The following DPP6 variants were observed in gnomAD, a reference collection of about 807,000 sequenced individuals.
DPP6 encodes the protein A-type potassium channel modulatory protein DPP6.
A neutral mutation model predicts 122.6 loss-of-function variants in DPP6; 69 were observed. The observed-to-expected ratio is 0.56, with a 90% CI of 0.46 to 0.69. The LOEUF is 0.69. Among genes scored for constraint, DPP6 ranks in the 30% least tolerant of loss-of-function variants. The pLI is 0.00. For missense variants in DPP6, 928 were observed against 1,116.9 expected (o/e 0.83, Z 2.41); for synonymous variants, 418 against 433.1 (o/e 0.97, Z 0.43).
intron 1 of DPP6, among the ~76,000 whole-genome samples, chr7:154,060,286 C>A (rs1479924497): frequency 7.4e-6 from 1 of 134,714 alleles, no homozygotes; most frequent in African/African-American, 2.8e-5. Flanking sequence ...GACTGAGAGG[C>A]AATCCCTCTT....
intron 22 of DPP6, among the ~76,000 whole-genome samples, chr7:154,887,096 A>G (rs1174797471): frequency 2.0e-5 from 3 of 152,142 alleles, no homozygotes; most frequent in African/African-American, 7.2e-5. Context: ...TCATGTCTTG[A>G]TGGGTCACTG....
chr7:154,754,778 A>G (rs1281433751), intron 8 of DPP6, among the ~76,000 whole-genome samples: 1 of 152,218 alleles, frequency 6.6e-6, no homozygotes, highest in African/African-American at 2.4e-5. Flanking sequence ...CATATACACC[A>G]TGGAATACTA....
chr7:154,159,746 A>C (rs3115182), intron 1 of DPP6, among the ~76,000 whole-genome samples: 128,798 of 151,358 alleles, frequency 0.85, 53,142 homozygotes, highest in East Asian at 0.97. Flanking sequence ...GGGTCCTTCT[A>C]TACAGGTTAT....
intron 1 of DPP6, among the ~76,000 whole-genome samples, chr7:154,350,986 T>C (rs2151079137): frequency 6.6e-6 from 1 of 152,244 alleles, no homozygotes; most frequent in Admixed American, 6.5e-5. Context: ...CTGGAGTCAG[T>C]GGGCCCATTG....
intron 1 of DPP6, among the ~76,000 whole-genome samples, chr7:154,207,817 C>T (rs1013475339): frequency 3.3e-5 from 5 of 152,012 alleles, no homozygotes; most frequent in Admixed American, 6.6e-5. Flanking sequence ...TAGCCGGATG[C>T]GATGGCGCAG....
At chr7:153,961,103 T>A (rs991340538) in intron 1 of DPP6, among the ~76,000 whole-genome samples, 9 of 137,942 alleles carry the variant, frequency 6.5e-5, no homozygotes, top group Admixed American at 3.7e-4. Flanking sequence ...GAGCTATTTT[T>A]AAGAAGTCTC....
intron 3 of DPP6, among the ~76,000 whole-genome samples, chr7:154,534,975 T>TTGTC (rs138465586): frequency 0.033 from 4,950 of 152,142 alleles, 262 homozygotes; most frequent in African/African-American, 0.11. Flanking sequence ...TACTCTAAAG[T>TTGTC]TACAGTAATC....
chr7:154,760,328 C>T lies in DPP6; in HGVS notation c.884-9089C>T, dbSNP rs747600416. Among the ~76,000 whole-genome samples the T allele has an allele frequency of 6.6e-6, 1 of 151,988 alleles. No homozygotes were observed. Among genetic ancestry groups the T allele is most frequent in the Admixed American group, 6.6e-5 (1 of 15,246 alleles). ...TTATTTCTTCACGATTACTCATGGGCTGTGTGTGCAAATTCAGGGGGGTGG... is the reference window on the plus strand; with the variant it reads ...TTATTTCTTCACGATTACTCATGGGTTGTGTGTGCAAATTCAGGGGGGTGG... On this transcript the variant is annotated intron_variant, in intron 8 of 25. Transcript: ENST00000377770. The surrounding 1 kb of genome is among the most constrained non-coding windows in gnomAD (Gnocchi z 4.5).
chr7:154,342,111 A>G (rs1413430918), intron 1 of DPP6, among the ~76,000 whole-genome samples: 1 of 152,208 alleles, frequency 6.6e-6, no homozygotes, highest in Non-Finnish European at 1.5e-5. Flanking sequence ...TTAATTATGA[A>G]GACTGATGAA....
intron 5 of DPP6, among the ~76,000 whole-genome samples, chr7:154,580,528 T>C (rs1831993212): frequency 6.6e-6 from 1 of 152,108 alleles, no homozygotes; most frequent in Non-Finnish European, 1.5e-5. Flanking sequence ...AGCGCTGCCG[T>C]TAGAGCCTGA....
intron 3 of DPP6, among the ~76,000 whole-genome samples, chr7:154,525,126 G>A (rs1827299659): frequency 6.6e-6 from 1 of 152,156 alleles, no homozygotes; most frequent in Admixed American, 6.5e-5. Context: ...ACATCACAGA[G>A]TTTTAAATTT....
intron 8 of DPP6, among the ~76,000 whole-genome samples, chr7:154,738,555 C>A (rs1332990501): frequency 2.6e-5 from 4 of 152,162 alleles, no homozygotes; most frequent in South Asian, 2.1e-4. Flanking sequence ...ATTCTTCCGA[C>A]CTTTCTTAGA....
intron 1 of DPP6, among the ~76,000 whole-genome samples, chr7:153,957,398 C>A (rs1430388976): frequency 2.0e-5 from 3 of 152,166 alleles, no homozygotes; most frequent in Non-Finnish European, 4.4e-5. Flanking sequence ...AGAGCATAGG[C>A]TTGGGGATGG....
the DPP6 span, among the ~76,000 whole-genome samples, chr7:153,844,685 C>T: frequency 1.1e-4 from 16 of 152,112 alleles, no homozygotes; most frequent in Non-Finnish European, 2.1e-4. Context: ...GGTGGGACAT[C>T]GTTTGCACTT....
intron 1 of DPP6, among the ~76,000 whole-genome samples, chr7:154,359,969 G>A (rs1586048641): frequency 6.6e-6 from 1 of 152,228 alleles, no homozygotes; most frequent in African/African-American, 2.4e-5. Context: ...AAATGATCGA[G>A]CTGCGAGCTG....
chr7:153,886,186 T>A (rs561390703), upstream of DPP6, among the ~76,000 whole-genome samples: 1 of 151,516 alleles, frequency 6.6e-6, no homozygotes, highest in African/African-American at 2.4e-5. Context: ...GAATCTGGTT[T>A]TTCAAGTGGC....
At position 154,709,586 on chromosome 7, in the gene DPP6, C is replaced by T. The variant is rs949007398; in HGVS notation, c.763-18181C>T. On this transcript the variant is annotated intron_variant, in intron 7 of 25. Transcript: ENST00000377770. Reference sequence around the variant, plus strand: ...TGATCTGTAAGACAACGACATTTTTCTTTTTTTTTTTTTTCAAATATTCCA... The same window carrying T: ...TGATCTGTAAGACAACGACATTTTTTTTTTTTTTTTTTTTCAAATATTCCA... Among the ~76,000 whole-genome samples, 23 of 141,588 alleles carry T rather than the reference C, an allele frequency of 1.6e-4. 1 individual carries two copies. Among genetic ancestry groups the T allele is most frequent in the Admixed American group, 3.5e-4 (5 of 14,124 alleles). 92.9% of individuals were successfully genotyped at this position (141,588 alleles called of 152,430 possible). A position where few individuals can be genotyped will look rare whatever the true frequency, so the allele number is the denominator to read the frequency against.
chr7:154,334,886 A>T (rs1485468970), intron 1 of DPP6, among the ~76,000 whole-genome samples: 2 of 151,788 alleles, frequency 1.3e-5, no homozygotes, highest in Non-Finnish European at 2.9e-5. Flanking sequence ...ACAGAGGAAG[A>T]CTCTGTCTCA....
intron 1 of DPP6, among the ~76,000 whole-genome samples, chr7:154,202,086 A>G (rs1191992746): frequency 1.3e-5 from 2 of 152,172 alleles, no homozygotes; most frequent in Non-Finnish European, 2.9e-5. Flanking sequence ...TTGGGAATTT[A>G]AATAAGTAAA....
Sources: gnomAD v4.1 joint callset for allele counts (sites outside exome capture counted in the v4.1 genomes callset) on GRCh38, gnomAD v4.1.1 for gene constraint, Gnocchi (gnomAD v3.1) non-coding constraint, MANE v1.5 for transcripts, NCBI Gene and HGNC (gene_info 2026-07-23, HGNC 2026-07-21) for gene names.